Variants in GPC6 observed in about 807,000 individuals in gnomAD.
The protein encoded by GPC6 is glypican 6, also known as glypican-6.
Under a neutral mutation model 55.2 loss-of-function variants are expected in GPC6, and 14 were observed. That is an observed-to-expected ratio of 0.25 (90% CI 0.17 to 0.40). The LOEUF is 0.40. Ranked by LOEUF, GPC6 falls within the 10% of genes least tolerant of loss-of-function variation. The probability of loss-of-function intolerance (pLI) is 1.00; values close to 1 mark genes in which losing one functional copy is unlikely to be tolerated. For missense variants in GPC6, 641 were observed against 708.5 expected (o/e 0.90, Z 1.08); for synonymous variants, 278 against 259.6 (o/e 1.07, Z -0.68).
chr13:93,335,209 C>A (rs978463959), intron 1 of GPC6, among the ~76,000 whole-genome samples: 1 of 152,098 alleles, frequency 6.6e-6, no homozygotes, highest in Admixed American at 6.6e-5. Context: ...GTGTTGTATG[C>A]CGTAAAAATA....
chr13:93,902,560 G>T (rs928804303), intron 3 of GPC6, among the ~76,000 whole-genome samples: 3 of 152,176 alleles, frequency 2.0e-5, no homozygotes, highest in Non-Finnish European at 2.9e-5. Context: ...CCTTCCTTTA[G>T]ATCTATAGCC....
chr13:93,469,874 A>C (rs779264074), intron 1 of GPC6, among the ~76,000 whole-genome samples: 1 of 152,112 alleles, frequency 6.6e-6, no homozygotes, highest in Admixed American at 6.5e-5. Flanking sequence ...TGAAAAGGGA[A>C]TCTTTTTTCT....
intron 2 of GPC6, among the ~76,000 whole-genome samples, chr13:93,579,508 G>A (rs1386371703): frequency 1.3e-5 from 2 of 152,068 alleles, no homozygotes; most frequent in Admixed American, 6.6e-5. Context: ...ATTTTTTTCA[G>A]ATGGGAGAAA....
intron 2 of GPC6, among the ~76,000 whole-genome samples, chr13:93,577,687 C>T (rs1004995646): frequency 2.0e-5 from 3 of 151,964 alleles, no homozygotes; most frequent in African/African-American, 7.2e-5. Context: ...CAATTTCAAT[C>T]TGGATGCCCG....
intron 2 of GPC6, among the ~76,000 whole-genome samples, chr13:93,825,011 T>A (rs569205722): frequency 6.6e-6 from 1 of 152,216 alleles, no homozygotes; most frequent in African/African-American, 2.4e-5. Flanking sequence ...CACCTCAAAT[T>A]TGTATTACAA....
chr13:94,212,093 A>G (rs1055171643), intron 4 of GPC6, among the ~76,000 whole-genome samples: 3 of 152,220 alleles, frequency 2.0e-5, no homozygotes, highest in Admixed American at 6.5e-5. Flanking sequence ...GGTTCTGCCC[A>G]TCGACTAAAC....
intron 4 of GPC6, among the ~76,000 whole-genome samples, chr13:94,271,374 GCGCGCGCGCA>G (rs1207451044): frequency 1.8e-5 from 2 of 108,368 alleles, no homozygotes; most frequent in Non-Finnish European, 4.3e-5. Flanking sequence ...ACACGCGCGC[GCGCGCGCGCA>G]CACACACACA....
intron 4 of GPC6, among the ~76,000 whole-genome samples, chr13:94,151,435 G>A (rs1272573557): frequency 2.6e-5 from 4 of 152,046 alleles, no homozygotes; most frequent in African/African-American, 4.8e-5. Flanking sequence ...TATGTTTTCC[G>A]AATCCCTCTG....
chr13:94,047,574 A>G (rs1883775467), intron 4 of GPC6, among the ~76,000 whole-genome samples: 2 of 152,112 alleles, frequency 1.3e-5, no homozygotes. Context: ...GGTTTCTGGA[A>G]TCATGCATGT....
At chr13:94,212,961 G>T (rs564617970) in intron 4 of GPC6, among the ~76,000 whole-genome samples, 42 of 152,298 alleles carry the variant, frequency 2.8e-4, no homozygotes, top group South Asian at 8.3e-4. Context: ...TTTGAGACCA[G>T]CCTGGCCAAC....
intron 4 of GPC6, among the ~76,000 whole-genome samples, chr13:94,183,222 C>A (rs530778436): frequency 4.6e-5 from 7 of 152,140 alleles, no homozygotes; most frequent in Admixed American, 6.5e-5. Context: ...TTCTTACTTA[C>A]CCCCAACCCC....
chr13:94,339,968 G>T (rs1019674232), intron 6 of GPC6, among the ~76,000 whole-genome samples: 1 of 151,572 alleles, frequency 6.6e-6, no homozygotes, highest in Admixed American at 6.6e-5. Context: ...TCTCTGTGTT[G>T]GTCAGTCTGG....
chr13:94,013,642 G>A (rs566972435), intron 3 of GPC6, among the ~76,000 whole-genome samples: 7 of 152,172 alleles, frequency 4.6e-5, no homozygotes, highest in Non-Finnish European at 8.8e-5. Flanking sequence ...GAGTCACTGT[G>A]CCTAGCCTTA....
At chr13:94,012,722 G>A (rs1040485918) in intron 3 of GPC6, among the ~76,000 whole-genome samples, 1 of 152,074 alleles carries the variant, frequency 6.6e-6, no homozygotes, top group Non-Finnish European at 1.5e-5. Context: ...GATTGATTTG[G>A]TTTTATATTC....
At chr13:93,419,532 ATAT>A (rs1332172648) in intron 1 of GPC6, among the ~76,000 whole-genome samples, 1 of 152,108 alleles carries the variant, frequency 6.6e-6, no homozygotes, top group Non-Finnish European at 1.5e-5. Context: ...AGTGCTTGGA[ATAT>A]TATTTGAAGT....
chr13:93,322,948 C>A (rs1225429256), intron 1 of GPC6, among the ~76,000 whole-genome samples: 1 of 151,968 alleles, frequency 6.6e-6, no homozygotes, highest in African/African-American at 2.4e-5. Context: ...TAGCCCCCCA[C>A]ACCCCCTTAG....
chr13:94,347,015 A>G (rs1878325965), intron 6 of GPC6, among the ~76,000 whole-genome samples: 1 of 152,202 alleles, frequency 6.6e-6, no homozygotes, highest in Non-Finnish European at 1.5e-5. Flanking sequence ...GGTGAACAGA[A>G]AGAAGCATCA....
intron 4 of GPC6, among the ~76,000 whole-genome samples, chr13:94,041,210 A>G (rs1566325246): frequency 6.6e-6 from 1 of 151,890 alleles, no homozygotes; most frequent in Non-Finnish European, 1.5e-5. Context: ...TATATGCCTC[A>G]TTCTGCAAAT....
intron 3 of GPC6, among the ~76,000 whole-genome samples, chr13:93,864,260 C>T (rs888456276): frequency 1.3e-5 from 2 of 151,630 alleles, no homozygotes; most frequent in African/African-American, 2.4e-5. Flanking sequence ...TCTTTCTTCC[C>T]GATCTGTGAA....
Sources: gnomAD v4.1 joint callset for allele counts (sites outside exome capture counted in the v4.1 genomes callset) on GRCh38, gnomAD v4.1.1 for gene constraint, MANE v1.5 for transcripts, NCBI Gene and HGNC (gene_info 2026-07-23, HGNC 2026-07-21) for gene names.